The following UGT1A8 variants were observed in gnomAD, a reference collection of about 807,000 sequenced individuals.
UGT1A8 encodes UDP-glucuronosyltransferase 1A8.
In UGT1A8, 39 loss-of-function variants were observed where a neutral mutation model predicts 45.3. That is an observed-to-expected ratio of 0.86 (90% confidence interval 0.67 to 1.12). UGT1A8 has a LOEUF of 1.12. Among genes scored for constraint, UGT1A8 ranks in the 50% most tolerant of loss-of-function variants. The probability of loss-of-function intolerance (pLI) is 0.00; values close to 1 mark genes in which losing one functional copy is unlikely to be tolerated. For missense variants in UGT1A8, 719 were observed against 664.9 expected (o/e 1.08, Z -0.90); for synonymous variants, 275 against 249.2 (o/e 1.10, Z -0.97).
intron 1 of UGT1A8, among the ~76,000 whole-genome samples, chr2:233,684,397 A>C (rs1054221073): frequency 3.9e-5 from 6 of 152,076 alleles, no homozygotes; most frequent in African/African-American, 1.2e-4. Context: ...ACCAGCCATC[A>C]CTCAGGTATT....
At chr2:233,700,071 C>T (rs2075541772) in intron 1 of UGT1A8, among the ~76,000 whole-genome samples, 1 of 152,174 alleles carries the variant, frequency 6.6e-6, no homozygotes, top group Non-Finnish European at 1.5e-5. Context: ...GGTGTCTACC[C>T]AGCAAGGCCC....
intron 1 of UGT1A8, among the ~76,000 whole-genome samples, chr2:233,720,005 C>T (rs2076821394): frequency 6.6e-6 from 1 of 152,174 alleles, no homozygotes; most frequent in South Asian, 2.1e-4. Context: ...ACATTCAGAA[C>T]TGATCCATCC....
chr2:233,750,986 G>T (rs1230774000), intron 1 of UGT1A8, among the ~76,000 whole-genome samples: 1 of 151,784 alleles, frequency 6.6e-6, no homozygotes, highest in Non-Finnish European at 1.5e-5. Flanking sequence ...TTGTGAGAAG[G>T]CGGCCACCAT....
chr2:233,761,029 T>C (rs769198771), intron 1 of UGT1A8: 2 of 1,614,178 alleles, frequency 1.2e-6, no homozygotes, highest in East Asian at 2.2e-5. Context: ...CCAGGACCTA[T>C]TGAGCTCTGC....
intron 1 of UGT1A8, among the ~76,000 whole-genome samples, chr2:233,708,858 T>C (rs188966229): frequency 6.6e-6 from 1 of 152,170 alleles, no homozygotes; most frequent in East Asian, 1.9e-4. Flanking sequence ...TTTTTTAATC[T>C]CTTTTATTGG....
intron 1 of UGT1A8, among the ~76,000 whole-genome samples, chr2:233,746,471 A>G (rs538596800): frequency 6.6e-6 from 1 of 151,696 alleles, no homozygotes; most frequent in Non-Finnish European, 1.5e-5. Context: ...GGGTTCCAGA[A>G]ACACTTTCCA....
At chr2:233,625,772 G>T (rs530350056) in intron 1 of UGT1A8, among the ~76,000 whole-genome samples, 2 of 151,800 alleles carry the variant, frequency 1.3e-5, no homozygotes, top group South Asian at 4.1e-4. Flanking sequence ...GGCAACAATA[G>T]ACACTATGGA....
Position 233,746,417 on chromosome 2 carries a change from CT to C in UGT1A8, c.856-20616del, listed in dbSNP as rs747591279. 3.3e-5 allele frequency among the ~76,000 whole-genome samples: 5 copies of C among 151,706 alleles called. No homozygotes were observed. The South Asian group carries it at 1.0e-3, about 32-fold the overall frequency. ...AGCTGGGAGTGTGTCCAATGGTGAC[CT>C]ATTAACTTATGTCTTCAGCTTAAAA... On this transcript the variant is annotated intron_variant, in intron 1 of 4. Transcript: ENST00000373450.
At chr2:233,685,615 C>A (rs1304035336) in intron 1 of UGT1A8, among the ~76,000 whole-genome samples, 1 of 152,224 alleles carries the variant, frequency 6.6e-6, no homozygotes, top group Non-Finnish European at 1.5e-5. Context: ...TTTATTTCAA[C>A]TTTTTATCAT....
At chr2:233,721,763 T>A in intron 1 of UGT1A8, 1 of 476,760 alleles carries the variant, frequency 2.1e-6, no homozygotes, top group African/African-American at 2.0e-5. Context: ...TCTAAATTGT[T>A]ATATTTAGCA....
At chr2:233,630,573 G>A (rs2073169130) in intron 1 of UGT1A8, among the ~76,000 whole-genome samples, 1 of 152,062 alleles carries the variant, frequency 6.6e-6, no homozygotes, top group South Asian at 2.1e-4. Flanking sequence ...CTCACAGTTT[G>A]GCAGACTTTA....
At chr2:233,643,944 C>T (rs113213917) in intron 1 of UGT1A8, among the ~76,000 whole-genome samples, 1 of 152,188 alleles carries the variant, frequency 6.6e-6, no homozygotes, top group Non-Finnish European at 1.5e-5. Flanking sequence ...GTCCTCCCCA[C>T]TTTTCCCTCT....
rs898515566 is a variant in UGT1A8 at position 233,648,786 on chromosome 2, G to T, written c.855+30224G>T. On this transcript the variant is annotated intron_variant, in intron 1 of 4. Transcript: ENST00000373450. ...GCCTGGATGCCATGACTTTTAAGGAGAGAGTAAGGAACCACATCTTCTACT... is the reference window on the plus strand; with the variant it reads ...GCCTGGATGCCATGACTTTTAAGGATAGAGTAAGGAACCACATCTTCTACT... 44 of 864,546 alleles carry T rather than the reference G, an allele frequency of 5.1e-5. No individual in the cohort carries two copies. The Admixed American group carries it at 5.3e-4, about 10-fold the overall frequency. The allele number at this position is 864,546 out of a possible 1,614,324, so 53.6% of individuals were successfully genotyped here. A position where few individuals can be genotyped will look rare whatever the true frequency, so the allele number is the denominator to read the frequency against.
Position 233,769,401 on chromosome 2 carries a change from G to A in UGT1A8, c.1295+962G>A. On this transcript the variant is annotated intron_variant, in intron 4 of 4. Coordinates refer to ENST00000373450, the MANE Select transcript of UGT1A8 (RefSeq NM_019076.5). This position sits in a 1 kb window ranked among gnomAD's most constrained non-coding sequence, Gnocchi z 4.4. ...CCGACAATAGATACTGTGTGCATATGTGCGTGTGCGTTTGTGCATGTGGCT... is the reference window on the plus strand; with the variant it reads ...CCGACAATAGATACTGTGTGCATATATGCGTGTGCGTTTGTGCATGTGGCT... 1 of 1,194,732 alleles carries A rather than the reference G, an allele frequency of 8.4e-7. No homozygotes were observed. 74.0% of individuals were successfully genotyped at this position (1,194,732 alleles called of 1,614,324 possible).
In UGT1A8 at chr2:233,733,060, C is replaced by G. The variant is rs187398935; in HGVS notation, c.856-33974C>G. Among the ~76,000 whole-genome samples the G allele has an allele frequency of 7.2e-5, 11 of 152,200 alleles. No individual in the cohort carries two copies. The East Asian group carries it at 2.1e-3, about 29-fold the overall frequency. ...AAGTTGGATTCCTAGGTATTTTATT[C>G]TCTTTGTAGCAATTGTGAATGGGAG... is the stretch of plus-strand genomic sequence containing the variant. On this transcript the variant is annotated intron_variant, in intron 1 of 4. Transcript: ENST00000373450.
intron 1 of UGT1A8, chr2:233,717,670 G>A (rs541224829): frequency 2.4e-6 from 1 of 419,168 alleles, no homozygotes; most frequent in African/African-American, 2.0e-5. Context: ...CAGCAATCTT[G>A]CGAGCACATG....
intron 1 of UGT1A8, among the ~76,000 whole-genome samples, chr2:233,640,208 C>T (rs1430465081): frequency 1.3e-5 from 2 of 152,144 alleles, no homozygotes; most frequent in Admixed American, 6.5e-5. Flanking sequence ...AGTTTTCAAA[C>T]ATACAAAATG....
At chr2:233,723,516 C>T (rs1242100621) in intron 1 of UGT1A8, among the ~76,000 whole-genome samples, 34 of 85,382 alleles carry the variant, frequency 4.0e-4, no homozygotes, top group African/African-American at 1.3e-3. Flanking sequence ...GGTCAACAAT[C>T]TTTTTTTTTT....
At chr2:233,757,312 G>C (rs1288195448) in intron 1 of UGT1A8, among the ~76,000 whole-genome samples, 2 of 141,204 alleles carry the variant, frequency 1.4e-5, no homozygotes, top group African/African-American at 2.7e-5. Flanking sequence ...GGACAGGGGG[G>C]CTGGGGCCCT....
Sources: allele counts gnomAD v4.1 joint callset (sites outside exome capture counted in the v4.1 genomes callset), GRCh38; gene constraint gnomAD v4.1.1; non-coding constraint Gnocchi (gnomAD v3.1); transcripts MANE v1.5; gene names NCBI Gene and HGNC (gene_info 2026-07-23, HGNC 2026-07-21).